CADPS2: variants seen among roughly 807,000 people sequenced by gnomAD.
The protein encoded by CADPS2 is calcium-dependent secretion activator 2.
A neutral mutation model predicts 172.5 loss-of-function variants in CADPS2; 93 were observed. The observed-to-expected ratio is 0.54, with a 90% CI of 0.46 to 0.64. The LOEUF (loss-of-function observed/expected upper bound fraction) is 0.64, where lower values mean the gene tolerates loss of function less well. Among genes scored for constraint, CADPS2 ranks in the 30% least tolerant of loss-of-function variants. The pLI is 0.00. For missense variants in CADPS2, 1,420 were observed against 1,565.9 expected (o/e 0.91, Z 1.57); for synonymous variants, 546 against 555.2 (o/e 0.98, Z 0.23).
At chr7:122,679,592 T>A (rs1419895814) in intron 2 of CADPS2, among the ~76,000 whole-genome samples, 1 of 152,174 alleles carries the variant, frequency 6.6e-6, no homozygotes, top group South Asian at 2.1e-4. Flanking sequence ...GTGATCTCTG[T>A]GACCCACACC....
chr7:122,370,746 C>T (rs2041664896), intron 25 of CADPS2, among the ~76,000 whole-genome samples: 1 of 152,050 alleles, frequency 6.6e-6, no homozygotes, highest in Admixed American at 6.5e-5. Context: ...CAAAAAAGGG[C>T]TCTTCAAGTA....
At chr7:122,578,714 T>G (rs1303300165) in intron 7 of CADPS2, among the ~76,000 whole-genome samples, 1 of 152,134 alleles carries the variant, frequency 6.6e-6, no homozygotes, top group Non-Finnish European at 1.5e-5. Flanking sequence ...AATGTTGTGA[T>G]TTGTTTTGAA....
intron 1 of CADPS2, among the ~76,000 whole-genome samples, chr7:122,825,782 T>C (rs894434683): frequency 4.6e-5 from 7 of 152,134 alleles, no homozygotes; most frequent in African/African-American, 7.2e-5. Flanking sequence ...AATGTTAATG[T>C]TTTGCAATAC....
chr7:122,412,321 A>G (rs536699425), intron 19 of CADPS2, among the ~76,000 whole-genome samples: 111 of 152,358 alleles, frequency 7.3e-4, no homozygotes, highest in African/African-American at 2.5e-3. Context: ...ATTATTTTGC[A>G]TAACCACACT....
intron 24 of CADPS2, among the ~76,000 whole-genome samples, chr7:122,385,265 T>C (rs1178071451): frequency 6.6e-6 from 1 of 152,038 alleles, no homozygotes; most frequent in Non-Finnish European, 1.5e-5. Context: ...GATATATGTG[T>C]AAGGTTGTAT....
At chr7:122,609,063 G>A (rs1358340502) in intron 6 of CADPS2, among the ~76,000 whole-genome samples, 1 of 151,982 alleles carries the variant, frequency 6.6e-6, no homozygotes, top group Admixed American at 6.6e-5. Context: ...TCGATATCAT[G>A]CTAAATGTTT....
At chr7:122,877,984 T>C (rs1026636230) in intron 1 of CADPS2, among the ~76,000 whole-genome samples, 1 of 150,890 alleles carries the variant, frequency 6.6e-6, no homozygotes, top group African/African-American at 2.4e-5. Flanking sequence ...AAAGACGCTA[T>C]ACTACTGCAC....
intron 1 of CADPS2, among the ~76,000 whole-genome samples, chr7:122,809,413 A>G (rs949061812): frequency 3.5e-5 from 5 of 142,610 alleles, no homozygotes; most frequent in African/African-American, 5.2e-5. Context: ...ACTAAAAAAA[A>G]AAAAAAGAAA....
chr7:122,455,119 C>T (rs947699913), intron 14 of CADPS2, among the ~76,000 whole-genome samples: 2 of 152,146 alleles, frequency 1.3e-5, no homozygotes, highest in South Asian at 2.1e-4. Context: ...CCCTCACTTG[C>T]CCTGCTCCCC....
rs117459936 is a variant in CADPS2 at position 122,516,548 on chromosome 7, T to C, written c.1476-3233A>G. On this transcript the variant is annotated intron_variant, in intron 8 of 29. Coordinates refer to ENST00000449022, the MANE Select transcript of CADPS2 (RefSeq NM_017954.11). ...GCAAGATCCTGTCTCTTAGAGTAAA[T>C]ACATGAAGAAGGAATGAAGATAAAA... Among the ~76,000 whole-genome samples the C allele has an allele frequency of 5.3e-5, 8 of 151,818 alleles. No individual in the cohort carries two copies. The East Asian group carries it at 5.8e-4, about 11-fold the overall frequency.
intron 1 of CADPS2, among the ~76,000 whole-genome samples, chr7:122,821,734 A>T (rs1034811915): frequency 6.6e-6 from 1 of 152,160 alleles, no homozygotes; most frequent in Non-Finnish European, 1.5e-5. Flanking sequence ...ATATCCCTTA[A>T]GGTCCTCCAT....
chr7:122,801,576 A>G (rs1205582974), intron 1 of CADPS2, among the ~76,000 whole-genome samples: 7 of 152,224 alleles, frequency 4.6e-5, no homozygotes, highest in Non-Finnish European at 1.0e-4. Flanking sequence ...TAGATCAGGA[A>G]AAAGACAAGG....
intron 19 of CADPS2, among the ~76,000 whole-genome samples, chr7:122,411,038 A>G (rs975477880): frequency 6.6e-6 from 1 of 152,162 alleles, no homozygotes; most frequent in African/African-American, 2.4e-5. Context: ...CCAAGTTCTT[A>G]CACATATAGT....
In CADPS2 at chr7:122,326,890, A is replaced by T. The variant is rs1270603364; in HGVS notation, c.3613-1309T>A. Among the ~76,000 whole-genome samples the T allele has an allele frequency of 3.9e-5, 6 of 152,074 alleles. No individual in the cohort carries two copies. In the East Asian group the frequency reaches 1.2e-3, roughly 29 times the overall value. The stretch of plus-strand genomic sequence containing the variant: ...TTTCCATTAATTTGTTAGTATAATG[A>T]ACATATATGCATCAAATGAGATAAG... On this transcript the variant is annotated intron_variant, in intron 28 of 29. Transcript: ENST00000449022.
chr7:122,369,127 TCCC>T (rs68130351), intron 25 of CADPS2, among the ~76,000 whole-genome samples: 1,674 of 49,796 alleles, frequency 0.034, 54 homozygotes, highest in Non-Finnish European at 0.045. Flanking sequence ...AATTTTTGTT[TCCC>T]CCCCCCCCCC....
chr7:122,535,729 A>G lies in CADPS2; in HGVS notation c.1475+18821T>C, dbSNP rs193093662. ...ACTCATGCAAATAGATCTTGTTTTA[A>G]AGCCTAATGGCAAGAGTTGTAGATT... is the stretch of plus-strand genomic sequence containing the variant. On this transcript the variant is annotated intron_variant, in intron 8 of 29. Coordinates refer to ENST00000449022, the MANE Select transcript of CADPS2 (RefSeq NM_017954.11). Among the ~76,000 whole-genome samples, 15 of 152,200 alleles carry G rather than the reference A, an allele frequency of 9.9e-5. No homozygotes were observed. In the East Asian group the frequency reaches 2.9e-3, roughly 29 times the overall value.
chr7:122,879,477 G>A (rs1822274472), intron 1 of CADPS2, among the ~76,000 whole-genome samples: 1 of 151,956 alleles, frequency 6.6e-6, no homozygotes, highest in Non-Finnish European at 1.5e-5. Flanking sequence ...AGAGGTTGCA[G>A]TGAGCCAAGA....
intron 24 of CADPS2, among the ~76,000 whole-genome samples, chr7:122,385,072 T>C (rs2043457760): frequency 6.6e-6 from 1 of 151,906 alleles, no homozygotes; most frequent in African/African-American, 2.4e-5. Flanking sequence ...CCTAAGATAA[T>C]ATTCTCAGGC....
chr7:122,785,743 A>T (rs1793876045), intron 1 of CADPS2, among the ~76,000 whole-genome samples: 1 of 152,066 alleles, frequency 6.6e-6, no homozygotes, highest in African/African-American at 2.4e-5. Context: ...ATCTTTGAAG[A>T]CCAGGCTCTA....
Sources: gnomAD v4.1 joint callset for allele counts (sites outside exome capture counted in the v4.1 genomes callset) on GRCh38, gnomAD v4.1.1 for gene constraint, MANE v1.5 for transcripts, NCBI Gene and HGNC (gene_info 2026-07-23, HGNC 2026-07-21) for gene names.